The following SMOC1 variants were observed in gnomAD, a reference collection of about 807,000 sequenced individuals.
The protein encoded by SMOC1 is SPARC related modular calcium binding 1, also known as SPARC-related modular calcium-binding protein 1.
In SMOC1, 22 loss-of-function variants were observed where a neutral mutation model predicts 56.3. The observed-to-expected ratio is 0.39, with a 90% CI of 0.28 to 0.56. The LOEUF (loss-of-function observed/expected upper bound fraction) is 0.56, where lower values mean the gene tolerates loss of function less well. SMOC1 is among the 20% of genes least tolerant of loss of function. The probability of loss-of-function intolerance (pLI) is 0.61; values close to 1 mark genes in which losing one functional copy is unlikely to be tolerated. For missense variants in SMOC1, 509 were observed against 565.4 expected (o/e 0.90, Z 1.01); for synonymous variants, 193 against 215.0 (o/e 0.90, Z 0.89).
chr14:69,880,972 T>C (rs533184754), intron 1 of SMOC1, among the ~76,000 whole-genome samples: 25 of 152,342 alleles, frequency 1.6e-4, no homozygotes, highest in African/African-American at 6.0e-4. Context: ...CAAGCCCAGG[T>C]ATCACTGTGA....
intron 3 of SMOC1, among the ~76,000 whole-genome samples, chr14:69,967,763 G>A (rs1466689833): frequency 6.6e-6 from 1 of 152,204 alleles, no homozygotes; most frequent in Non-Finnish European, 1.5e-5. Flanking sequence ...CTTTGCTGAA[G>A]TCACACAGCT....
At chr14:70,005,977 G>A (rs1885135574) in intron 7 of SMOC1, among the ~76,000 whole-genome samples, 1 of 152,128 alleles carries the variant, frequency 6.6e-6, no homozygotes, top group Admixed American at 6.5e-5. Context: ...TCACTTCTGG[G>A]GAGCTCCCTC....
At chr14:69,939,433 G>C (rs1368102498) in intron 1 of SMOC1, among the ~76,000 whole-genome samples, 2 of 152,182 alleles carry the variant, frequency 1.3e-5, no homozygotes, top group Non-Finnish European at 2.9e-5. Flanking sequence ...ACCACATGTG[G>C]GGATTATGGG....
intron 1 of SMOC1, among the ~76,000 whole-genome samples, chr14:69,930,383 A>G (rs1385866664): frequency 6.6e-6 from 1 of 152,096 alleles, no homozygotes; most frequent in Non-Finnish European, 1.5e-5. Context: ...CTCAGGTTGG[A>G]TGGATGTGCT....
At chr14:69,903,141 C>G (rs1015667416) in intron 1 of SMOC1, among the ~76,000 whole-genome samples, 5 of 151,978 alleles carry the variant, frequency 3.3e-5, no homozygotes, top group African/African-American at 4.8e-5. Context: ...AGGACCGCCT[C>G]TTCCTGGCCG....
At chr14:69,943,007 G>T (rs1186607250) in intron 1 of SMOC1, among the ~76,000 whole-genome samples, 1 of 152,086 alleles carries the variant, frequency 6.6e-6, no homozygotes, top group Non-Finnish European at 1.5e-5. Context: ...GTGGCTGCTG[G>T]TGGTGGGGGG....
At chr14:69,887,230 G>C (rs919564420) in intron 1 of SMOC1, among the ~76,000 whole-genome samples, 1 of 152,096 alleles carries the variant, frequency 6.6e-6, no homozygotes, top group Non-Finnish European at 1.5e-5. Flanking sequence ...AAAAGATACA[G>C]TAACTTATAA....
At position 69,953,597 on chromosome 14, in the gene SMOC1, A is replaced by G. The variant is rs1011092765; in HGVS notation, c.378+65A>G. The G allele has an allele frequency of 4.4e-6, 6 of 1,377,062 alleles. No individual in the cohort carries two copies. In the African/African-American group the frequency reaches 5.7e-5, roughly 13 times the overall value. The allele number at this position is 1,377,062 out of a possible 1,614,324, so 85.3% of individuals were successfully genotyped here. A position where few individuals can be genotyped will look rare whatever the true frequency, so the allele number is the denominator to read the frequency against. On this transcript the variant is annotated intron_variant, in intron 3 of 11. Coordinates refer to ENST00000361956, the MANE Select transcript of SMOC1 (RefSeq NM_001034852.3). ...CGAGGCAGAGGGGAGGTGTCCCGAGAGCGCGAGGGCTGCTTGGCGCCTTCA... is the reference window on the plus strand; with the variant it reads ...CGAGGCAGAGGGGAGGTGTCCCGAGGGCGCGAGGGCTGCTTGGCGCCTTCA...
intron 3 of SMOC1, among the ~76,000 whole-genome samples, chr14:69,971,420 A>G (rs139672512): frequency 6.6e-5 from 10 of 152,348 alleles, no homozygotes; most frequent in Admixed American, 2.6e-4. Flanking sequence ...AGGAGGAGCC[A>G]TCTGTTGACA....
chr14:69,974,925 G>C (rs1883897191), intron 3 of SMOC1, among the ~76,000 whole-genome samples: 1 of 152,112 alleles, frequency 6.6e-6, no homozygotes, highest in Non-Finnish European at 1.5e-5. Context: ...GCTGATCTAT[G>C]AATGGATGCT....
chr14:69,900,007 G>T (rs1263443568), intron 1 of SMOC1, among the ~76,000 whole-genome samples: 2 of 152,174 alleles, frequency 1.3e-5, no homozygotes, highest in African/African-American at 4.8e-5. Context: ...TGTTAGGATG[G>T]ACTGGAGGCT....
intron 1 of SMOC1, among the ~76,000 whole-genome samples, chr14:69,946,425 G>A (rs1882787305): frequency 6.6e-6 from 1 of 152,180 alleles, no homozygotes; most frequent in Non-Finnish European, 1.5e-5. Context: ...AGAGACGACT[G>A]CAGATATACA....
At chr14:70,010,674 A>T in intron 7 of SMOC1, 80 bp from the exon 8 acceptor site, 1 of 1,489,112 alleles carries the variant, frequency 6.7e-7, no homozygotes, top group Admixed American at 1.7e-5. Flanking sequence ...CTTGCTACTT[A>T]CTTTGGATGC....
At chr14:70,000,470 T>C (rs935269518) in intron 7 of SMOC1, among the ~76,000 whole-genome samples, 3 of 152,242 alleles carry the variant, frequency 2.0e-5, no homozygotes, top group Admixed American at 6.5e-5. Flanking sequence ...ATTGCAAAGA[T>C]ACTGTGAAGT....
chr14:69,962,389 T>A (rs1883416821), intron 3 of SMOC1, among the ~76,000 whole-genome samples: 1 of 152,142 alleles, frequency 6.6e-6, no homozygotes, highest in Non-Finnish European at 1.5e-5. Context: ...GGTCTTAAAC[T>A]CCTGACCTCA....
At chr14:69,972,440 G>A (rs914791191) in intron 3 of SMOC1, among the ~76,000 whole-genome samples, 3 of 152,130 alleles carry the variant, frequency 2.0e-5, no homozygotes, top group African/African-American at 7.2e-5. Flanking sequence ...GGCACACCTG[G>A]GGTAGGTGTG....
intron 1 of SMOC1, among the ~76,000 whole-genome samples, chr14:69,894,566 A>C (rs1303452090): frequency 6.6e-6 from 1 of 152,194 alleles, no homozygotes; most frequent in Admixed American, 6.5e-5. Context: ...ACAAGGTAAG[A>C]GAGTGGAAGG....
At chr14:69,939,701 T>C (rs879698853) in intron 1 of SMOC1, among the ~76,000 whole-genome samples, 9 of 152,234 alleles carry the variant, frequency 5.9e-5, no homozygotes, top group Non-Finnish European at 4.4e-5. Flanking sequence ...TCTGTGATTA[T>C]ACAATAGTGC....
intron 6 of SMOC1, among the ~76,000 whole-genome samples, chr14:69,993,125 C>T (rs1262840377): frequency 6.6e-6 from 1 of 151,990 alleles, no homozygotes; most frequent in African/African-American, 2.4e-5. Context: ...GGATGGGATA[C>T]AGTGAGGAAA....
Sources: allele counts gnomAD v4.1 joint callset (sites outside exome capture counted in the v4.1 genomes callset), GRCh38; gene constraint gnomAD v4.1.1; transcripts MANE v1.5; gene names NCBI Gene and HGNC (gene_info 2026-07-23, HGNC 2026-07-21).